Variants in SGCE observed in about 807,000 individuals in gnomAD.
SGCE encodes the protein sarcoglycan epsilon.
Under a neutral mutation model 57.8 loss-of-function variants are expected in SGCE, and 26 were observed. The ratio of observed to expected loss-of-function variants is 0.45; its 90% CI spans 0.33 to 0.62. The LOEUF (loss-of-function observed/expected upper bound fraction) is 0.62, where lower values mean the gene tolerates loss of function less well. Ranked by LOEUF, SGCE falls within the 20% of genes least tolerant of loss-of-function variation. The pLI is 0.02. For missense variants in SGCE, 468 were observed against 548.6 expected (o/e 0.85, Z 1.47); for synonymous variants, 183 against 189.5 (o/e 0.97, Z 0.28).
intron 1 of SGCE, among the ~76,000 whole-genome samples, chr7:94,641,978 A>G (rs1806450066): frequency 6.6e-6 from 1 of 152,122 alleles, no homozygotes; most frequent in Admixed American, 6.6e-5. Context: ...TAATCATGAC[A>G]CATTGTATGC....
chr7:94,639,314 G>C (rs1280069861), intron 1 of SGCE: 28 of 1,348,200 alleles, frequency 2.1e-5, no homozygotes, highest in African/African-American at 1.7e-4. Flanking sequence ...TCCCCCAAAG[G>C]GATTTAGATT....
chr7:94,642,718 T>C (rs1301758126), intron 1 of SGCE, among the ~76,000 whole-genome samples: 1 of 152,164 alleles, frequency 6.6e-6, no homozygotes, highest in Non-Finnish European at 1.5e-5. Context: ...TGCAAGACCT[T>C]GCTGGATAGT....
chr7:94,602,680 A>T lies in SGCE; in HGVS notation c.825+610T>A, dbSNP rs1036289792. Among the ~76,000 whole-genome samples, 3 of 151,954 alleles carry T rather than the reference A, an allele frequency of 2.0e-5. No individual in the cohort carries two copies. In the East Asian group the frequency reaches 5.8e-4, roughly 29 times the overall value. On this transcript the variant is annotated intron_variant, in intron 6 of 10. Coordinates refer to ENST00000648936, the MANE Select transcript of SGCE (RefSeq NM_003919.3). ...GACATATAATATAAAATATGCAAACATATGTAAAATATTACACATATCTTA... is the reference window on the plus strand; with the variant it reads ...GACATATAATATAAAATATGCAAACTTATGTAAAATATTACACATATCTTA...
At chr7:94,643,968 T>C (rs948365559) in intron 1 of SGCE, among the ~76,000 whole-genome samples, 4 of 152,200 alleles carry the variant, frequency 2.6e-5, no homozygotes, top group Non-Finnish European at 4.4e-5. Flanking sequence ...AGAGACTGGT[T>C]CTTGGACATC....
intron 4 of SGCE, 109 bp from the exon 5 acceptor site, chr7:94,619,065 G>A (rs1007311853): frequency 1.5e-5 from 12 of 792,134 alleles, no homozygotes; most frequent in Non-Finnish European, 2.4e-5. Context: ...CCTGGCAGCA[G>A]GAAGCAATAT....
chr7:94,655,174 C>G (rs1248567355), intron 1 of SGCE, among the ~76,000 whole-genome samples: 2 of 152,184 alleles, frequency 1.3e-5, no homozygotes, highest in Non-Finnish European at 2.9e-5. Flanking sequence ...GAAAATGTAA[C>G]GTTGCAAGGG....
chr7:94,596,941 TG>T (rs1798485222), intron 9 of SGCE, among the ~76,000 whole-genome samples: 1 of 152,286 alleles, frequency 6.6e-6, no homozygotes, highest in Admixed American at 6.5e-5. Context: ...TGAAAATGAA[TG>T]ATAAAGCCAT....
chr7:94,599,824 A>G (rs1433293014), intron 7 of SGCE, 101 bp from the exon 8 acceptor site: 1 of 891,684 alleles, frequency 1.1e-6, no homozygotes, highest in Non-Finnish European at 1.9e-6. Flanking sequence ...AAATGCTGAC[A>G]TTGTCACTAT....
chr7:94,587,745 T>G (rs953186308), intron 10 of SGCE: 1 of 1,534,206 alleles, frequency 6.5e-7, no homozygotes, highest in Non-Finnish European at 8.8e-7. Flanking sequence ...CATCTTGTAA[T>G]TGAAATCTGA....
chr7:94,640,094 C>T (rs866272126), intron 1 of SGCE, among the ~76,000 whole-genome samples: 7 of 151,864 alleles, frequency 4.6e-5, no homozygotes, highest in African/African-American at 7.3e-5. Context: ...GAATCAAAGA[C>T]GCCTTTGAAT....
chr7:94,652,976 A>G (rs1225177545), intron 1 of SGCE, among the ~76,000 whole-genome samples: 1 of 152,224 alleles, frequency 6.6e-6, no homozygotes, highest in African/African-American at 2.4e-5. Context: ...TCTCTATATT[A>G]GAAATTAAGC....
intron 5 of SGCE, among the ~76,000 whole-genome samples, chr7:94,613,768 T>C (rs1282567909): frequency 6.6e-6 from 1 of 152,186 alleles, no homozygotes; most frequent in Non-Finnish European, 1.5e-5. Flanking sequence ...TTTATGTATA[T>C]AGAAGATAAA....
In SGCE at chr7:94,598,625, G is replaced by C. The variant is rs574338464; in HGVS notation, c.1253+150C>G. On this transcript the variant is annotated intron_variant, in intron 9 of 10. Coordinates refer to ENST00000648936, the MANE Select transcript of SGCE (RefSeq NM_003919.3). ...AGTAATTGTATTGTATATTTCAGGA[G>C]AGTAGGGGTGAGATTTACACAATGT... 17 of 703,020 alleles carry C rather than the reference G, an allele frequency of 2.4e-5. No homozygotes were observed. In the African/African-American group the frequency reaches 3.0e-4, roughly 12 times the overall value. 43.5% of individuals were successfully genotyped at this position (703,020 alleles called of 1,614,324 possible). A position where few individuals can be genotyped will look rare whatever the true frequency, so the allele number is the denominator to read the frequency against.
At chr7:94,645,661 C>T (rs1263425562) in intron 1 of SGCE, among the ~76,000 whole-genome samples, 1 of 152,074 alleles carries the variant, frequency 6.6e-6, no homozygotes, top group Admixed American at 6.6e-5. Context: ...TAATTTTTGT[C>T]CATTGGGCAA....
Position 94,656,025 on chromosome 7 carries a change from A to T in SGCE, c.74T>A (p.Met25Lys), listed in dbSNP as rs749820152. The T allele has an allele frequency of 1.2e-6, 2 of 1,612,954 alleles. No homozygotes were observed. The highest frequency in any genetic ancestry group is 1.7e-6 in the Non-Finnish European group (2 of 1,179,190). The change falls in exon 1 of 11, where the codon ATG becomes AAG. Residue 25 changes from methionine to lysine, a missense_variant. By Grantham distance (95) the Met-to-Lys change is moderately conservative (BLOSUM62 -1). Coordinates refer to ENST00000648936, the MANE Select transcript of SGCE (RefSeq NM_003919.3). The part of the protein sequence containing the change: ...WTGQGRGTRR[M>K]SPATTGTFLL... ...GAATGTGCCAGTGGTCGCGGGGCTC[A>T]TCCTGCGTGTCCCCCGACCCTGTCC...
At position 94,628,313 on chromosome 7, in the gene SGCE, A is replaced by G. The variant is rs756901549; in HGVS notation, c.279T>C (p.Gly93=). 6 of 1,611,520 alleles carry G rather than the reference A, an allele frequency of 3.7e-6. No individual in the cohort carries two copies. In the African/African-American group the frequency reaches 8.0e-5, roughly 22 times the overall value. Residue 93 remains glycine (G), a synonymous_variant, in exon 3 of 11, where the codon GGT becomes GGC. Coordinates refer to ENST00000648936, the MANE Select transcript of SGCE (RefSeq NM_003919.3). ...DPITFNTNLM[G]YPDRPGWLRY... ...GAAGCCATCCAGGTCGGTCTGGGTA[A>G]CCCATTAAATTTGTATTAAATGTTA...
intron 5 of SGCE, among the ~76,000 whole-genome samples, chr7:94,614,120 A>AC (rs1801513044): frequency 6.6e-6 from 1 of 151,306 alleles, no homozygotes; most frequent in Non-Finnish European, 1.5e-5. Context: ...AAAAAAAAAA[A>AC]AAAAAAAAAA....
chr7:94,601,806 G>A (rs894999232), intron 6 of SGCE, among the ~76,000 whole-genome samples: 8 of 152,016 alleles, frequency 5.3e-5, no homozygotes, highest in African/African-American at 9.7e-5. Context: ...GCACATTGGC[G>A]GCTTGTTGTC....
intron 1 of SGCE, 136 bp downstream of exon 1, chr7:94,655,854 G>T (rs1808575966): frequency 1.5e-6 from 1 of 664,090 alleles, no homozygotes; most frequent in Non-Finnish European, 2.8e-6. Context: ...ACTGAAGGAG[G>T]GGTACGGTGG....
Sources: allele counts gnomAD v4.1 joint callset (sites outside exome capture counted in the v4.1 genomes callset), GRCh38; gene constraint gnomAD v4.1.1; transcripts MANE v1.5; gene names NCBI Gene and HGNC (gene_info 2026-07-23, HGNC 2026-07-21).